LRBA: variants seen among roughly 807,000 people sequenced by gnomAD.
LRBA encodes LPS responsive beige-like anchor protein.
Under a neutral mutation model 330.0 loss-of-function variants are expected in LRBA, and 176 were observed. The ratio of observed to expected loss-of-function variants is 0.53; its 90% CI spans 0.47 to 0.60. The LOEUF (loss-of-function observed/expected upper bound fraction) is 0.60, where lower values mean the gene tolerates loss of function less well. Ranked by LOEUF, LRBA falls within the 20% of genes least tolerant of loss-of-function variation. LRBA has a pLI of 0.00. For missense variants in LRBA, 3,259 were observed against 3,444.8 expected (o/e 0.95, Z 1.35); for synonymous variants, 1,230 against 1,193.0 (o/e 1.03, Z -0.64).
intron 40 of LRBA, among the ~76,000 whole-genome samples, chr4:150,501,769 A>C (rs1760310435): frequency 6.6e-6 from 1 of 152,204 alleles, no homozygotes; most frequent in African/African-American, 2.4e-5. Flanking sequence ...AGATGGAGTA[A>C]CAGGGCCTGG....
At chr4:150,754,123 G>A (rs1328763613) in intron 35 of LRBA, among the ~76,000 whole-genome samples, 3 of 141,264 alleles carry the variant, frequency 2.1e-5, no homozygotes, top group African/African-American at 8.6e-5. Flanking sequence ...CCCATATAAA[G>A]TGCACAAAAC....
intron 13 of LRBA, among the ~76,000 whole-genome samples, chr4:150,902,929 C>T (rs1730912458): frequency 6.6e-6 from 1 of 152,092 alleles, no homozygotes; most frequent in Non-Finnish European, 1.5e-5. Flanking sequence ...CCTTTTGGTA[C>T]CTCCCTATCC....
At position 150,315,586 on chromosome 4, in the gene LRBA, C is replaced by T; in HGVS notation, c.7668G>A (p.Leu2556=). The T allele has an allele frequency of 2.5e-6, 4 of 1,612,388 alleles. No homozygotes were observed. Among genetic ancestry groups the T allele is most frequent in the Non-Finnish European group, 3.4e-6 (4 of 1,179,138 alleles). ...QGAVQDQPYQ[L]PVEIDPLIAS... ...CTATGAGAGGATCGATTTCCACTGG[C>T]AGCTGGTATGGCTGGTCTTGTACAG... is the stretch of plus-strand genomic sequence containing the variant. Residue 2556 remains leucine (L), a synonymous_variant, in exon 51 of 57, where the codon CTG becomes CTA. Transcript: ENST00000651943.
At chr4:150,808,499 C>T (rs757385015) in intron 31 of LRBA, 101 bp from the exon 32 acceptor site, 4 of 674,452 alleles carry the variant, frequency 5.9e-6, no homozygotes, top group Admixed American at 2.5e-5. Flanking sequence ...AGCATTATAA[C>T]GTATTTTTAT....
chr4:150,902,741 T>C (rs1474468852), intron 13 of LRBA, among the ~76,000 whole-genome samples: 1 of 152,186 alleles, frequency 6.6e-6, no homozygotes, highest in Non-Finnish European at 1.5e-5. Context: ...CTTTGTGCAT[T>C]TTGTCCAATC....
intron 28 of LRBA, chr4:150,840,544 T>C (rs1423068350): frequency 6.6e-6 from 1 of 152,546 alleles, no homozygotes; most frequent in Non-Finnish European, 1.5e-5. Context: ...GGCCAGTTTG[T>C]AGCACAGTCA....
At chr4:150,906,476 T>A in intron 11 of LRBA, 71 bp from the exon 12 acceptor site, 1 of 812,344 alleles carries the variant, frequency 1.2e-6, no homozygotes, top group Non-Finnish European at 2.0e-6. Context: ...TAGATAGATG[T>A]AACCCTTCCA....
intron 5 of LRBA, among the ~76,000 whole-genome samples, chr4:150,917,617 T>C (rs1220218151): frequency 6.6e-6 from 1 of 152,176 alleles, no homozygotes; most frequent in Admixed American, 6.6e-5. Context: ...GGATCTTGTA[T>C]AGCCAAAACA....
chr4:150,585,729 G>A (rs536642481), intron 40 of LRBA, among the ~76,000 whole-genome samples: 1 of 152,252 alleles, frequency 6.6e-6, no homozygotes, highest in South Asian at 2.1e-4. Context: ...ATTAGCCCAG[G>A]TTTTAATTTA....
chr4:150,574,640 C>T (rs1045688282), intron 40 of LRBA, among the ~76,000 whole-genome samples: 3 of 151,962 alleles, frequency 2.0e-5, no homozygotes, highest in Non-Finnish European at 4.4e-5. Context: ...ATAGCAACCA[C>T]CTTACATTTA....
intron 45 of LRBA, 98 bp from the exon 46 acceptor site, chr4:150,435,806 C>A: frequency 1.3e-6 from 1 of 763,990 alleles, no homozygotes; most frequent in Non-Finnish European, 2.1e-6. Flanking sequence ...GACTAATAGG[C>A]ATTCACTAGT....
chr4:150,893,279 T>G (rs1027121657), intron 16 of LRBA, 130 bp from the exon 17 acceptor site: 4 of 573,612 alleles, frequency 7.0e-6, no homozygotes, highest in Admixed American at 3.0e-5. Flanking sequence ...ATACTTATTT[T>G]TAACAAATTA....
intron 30 of LRBA, among the ~76,000 whole-genome samples, chr4:150,821,277 GTTC>G (rs1302924488): frequency 1.3e-5 from 2 of 151,970 alleles, no homozygotes; most frequent in African/African-American, 2.4e-5. Flanking sequence ...GATAAAAATT[GTTC>G]TTATTATCAT....
At chr4:150,921,353 A>T (rs1733239182) in intron 4 of LRBA, 60 bp from the exon 5 acceptor site, 4 of 951,840 alleles carry the variant, frequency 4.2e-6, no homozygotes, top group Non-Finnish European at 6.9e-6. Flanking sequence ...AAAAAAACAC[A>T]TCTTTAATAT....
chr4:150,818,111 C>A (rs1744865508), intron 30 of LRBA, among the ~76,000 whole-genome samples: 1 of 152,060 alleles, frequency 6.6e-6, no homozygotes, highest in African/African-American at 2.4e-5. Flanking sequence ...TTCAAGTATT[C>A]CCTTAATAGC....
intron 40 of LRBA, among the ~76,000 whole-genome samples, chr4:150,549,340 T>A (rs79087833): frequency 2.6e-5 from 4 of 151,804 alleles, no homozygotes; most frequent in Non-Finnish European, 5.9e-5. Flanking sequence ...TTTATTTTTT[T>A]ATTTTTTTTT....
intron 44 of LRBA, among the ~76,000 whole-genome samples, chr4:150,450,133 G>C (rs1406088749): frequency 6.6e-6 from 1 of 151,776 alleles, no homozygotes; most frequent in African/African-American, 2.4e-5. Context: ...TGCCCTCCTG[G>C]GATATTAACA....
intron 35 of LRBA, among the ~76,000 whole-genome samples, chr4:150,742,477 A>T (rs930211773): frequency 1.3e-4 from 20 of 152,118 alleles, no homozygotes; most frequent in Admixed American, 7.2e-4. Flanking sequence ...TATATAACAA[A>T]AGTGGCTAAA....
chr4:150,614,504 C>A (rs750158596), intron 37 of LRBA, among the ~76,000 whole-genome samples: 4 of 152,000 alleles, frequency 2.6e-5, no homozygotes, highest in Non-Finnish European at 5.9e-5. Flanking sequence ...TGAAACTTGC[C>A]TAAAATTGTC....
Sources: gnomAD v4.1 joint callset for allele counts (sites outside exome capture counted in the v4.1 genomes callset) on GRCh38, gnomAD v4.1.1 for gene constraint, MANE v1.5 for transcripts, NCBI Gene and HGNC (gene_info 2026-07-23, HGNC 2026-07-21) for gene names.